The following EHMT1 variants were observed in gnomAD, a reference collection of about 807,000 sequenced individuals.
EHMT1 encodes the protein euchromatic histone lysine methyltransferase 1.
A neutral mutation model predicts 147.2 loss-of-function variants in EHMT1; 15 were observed. That is an observed-to-expected ratio of 0.10 (90% CI 0.07 to 0.16). The LOEUF is 0.16. Ranked by LOEUF, EHMT1 falls within the 10% of genes least tolerant of loss-of-function variation. The pLI is 1.00. For missense variants in EHMT1, 1,587 were observed against 1,772.4 expected (o/e 0.90, Z 1.88); for synonymous variants, 795 against 709.6 (o/e 1.12, Z -1.91).
intron 21 of EHMT1, 150 bp from the exon 22 acceptor site, chr9:137,814,281 T>C: frequency 2.5e-6 from 2 of 814,718 alleles, no homozygotes; most frequent in Non-Finnish European, 4.2e-6. Flanking sequence ...TGCACAGCCT[T>C]CTCCCTAAGA....
Position 137,815,978 on chromosome 9 carries a change from C to T in EHMT1, c.3290C>T (p.Ala1097Val), listed in dbSNP as rs753898115. The change falls in exon 23 of 27, where the codon GCG (alanine) becomes GTG (valine). Residue 1097 changes from alanine (A) to valine (V), a missense_variant. Coordinates refer to ENST00000460843, the MANE Select transcript of EHMT1 (RefSeq NM_024757.5). Reference protein sequence around the residue: ...DGRLLPEFNMAEPPLIFECNH... With the variant: ...DGRLLPEFNMVEPPLIFECNH... ...CGGCTCCTGCCAGAGTTCAACATGG[C>T]GGAGCCTCCCTTGATCTTCGAATGC... is the stretch of plus-strand genomic sequence containing the variant. The T allele has an allele frequency of 6.8e-6, 11 of 1,610,894 alleles. No homozygotes were observed. The highest frequency in any genetic ancestry group is 6.7e-5 in the African/African-American group (5 of 74,818).
chr9:137,751,104 T>C (rs1948930628), intron 6 of EHMT1, among the ~76,000 whole-genome samples: 1 of 152,218 alleles, frequency 6.6e-6, no homozygotes, highest in South Asian at 2.1e-4. Context: ...ACTGTGGCTA[T>C]TATTTTAAAA....
At chr9:137,814,875 T>TGCTGCCGGGCTGGGTACAGGGA in intron 22 of EHMT1, 1 of 414,590 alleles carries the variant, frequency 2.4e-6, no homozygotes, top group Non-Finnish European at 4.6e-6. Context: ...AGAGGGAGGG[T>TGCTGCCGGGCTGGGTACAGGGA]GCTGCCGGGC....
rs1008091378 is a variant in EHMT1 at position 137,626,033 on chromosome 9, T to A, written c.21+6984T>A. Among the ~76,000 whole-genome samples, 7 of 150,038 alleles carry A rather than the reference T, an allele frequency of 4.7e-5. No homozygotes were observed. The East Asian group carries it at 1.2e-3, about 25-fold the overall frequency. ...ACCAAGCCTGGCTAATTTTGTATTT[T>A]TTTTTTTTTTTTTAGTAGAGTTGGG... On this transcript the variant is annotated intron_variant, in intron 1 of 26. Transcript: ENST00000460843.
rs573456526 is a variant in EHMT1, at chr9:137,656,334, G to T, written c.21+37285G>T. On this transcript the variant is annotated intron_variant, in intron 1 of 26. Coordinates refer to ENST00000460843, the MANE Select transcript of EHMT1 (RefSeq NM_024757.5). ...GGTGGAAGTTGCAGTGAGCTGAGTTGGCACCATTGCACTCCAGCCTGGGTG... is the reference window on the plus strand; with the variant it reads ...GGTGGAAGTTGCAGTGAGCTGAGTTTGCACCATTGCACTCCAGCCTGGGTG... Among the ~76,000 whole-genome samples the T allele has an allele frequency of 1.4e-4, 22 of 152,182 alleles. No homozygotes were observed. In the East Asian group the frequency reaches 3.7e-3, roughly 25 times the overall value.
intron 9 of EHMT1, among the ~76,000 whole-genome samples, chr9:137,759,479 C>T (rs1034496872): frequency 1.3e-5 from 2 of 152,162 alleles, no homozygotes; most frequent in Non-Finnish European, 2.9e-5. Flanking sequence ...TGTCAGTGTG[C>T]GCCTGCTGTC....
In EHMT1 at chr9:137,776,754, C is replaced by T; in HGVS notation, c.1928C>T (p.Ala643Val). ...ESSKAKEVTI[A>V]KADTTSTVTP... is the part of the protein sequence containing the mutation. The stretch of plus-strand genomic sequence containing the variant: ...TCCAAGGCCAAAGAGGTGACGATAG[C>T]TAAAGCAGACACCACCTCGACCGTG... The change falls in exon 12 of 27, where the codon GCT (alanine) becomes GTT (valine). Residue 643 changes from alanine (A) to valine (V), a missense_variant. Ala to Val is a moderately conservative substitution (Grantham distance 64). This residue lies in a region of EHMT1 where 124 missense variants were observed against 197.8 expected (regional missense o/e 0.63). Coordinates refer to ENST00000460843, the MANE Select transcript of EHMT1 (RefSeq NM_024757.5). This position sits in a 1 kb window ranked among gnomAD's most constrained non-coding sequence, Gnocchi z 4.4. The T allele has an allele frequency of 6.2e-7, 1 of 1,614,062 alleles. No individual in the cohort carries two copies. Among genetic ancestry groups the T allele is most frequent in the Non-Finnish European group, 8.5e-7 (1 of 1,180,004 alleles).
At chr9:137,777,018 C>T in intron 12 of EHMT1, 174 bp downstream of exon 12, 1 of 677,854 alleles carries the variant, frequency 1.5e-6, no homozygotes, top group East Asian at 2.8e-5. Flanking sequence ...GCCATTTGTG[C>T]ATACGTTGCT....
chr9:137,627,504 A>G (rs975509994), intron 1 of EHMT1, among the ~76,000 whole-genome samples: 1 of 151,534 alleles, frequency 6.6e-6, no homozygotes, highest in African/African-American at 2.4e-5. Context: ...ATCTCAGGTG[A>G]TTTGCCCACC....
intron 1 of EHMT1, among the ~76,000 whole-genome samples, chr9:137,694,351 C>A (rs1026633219): frequency 6.6e-6 from 1 of 151,184 alleles, no homozygotes; most frequent in South Asian, 2.1e-4. Context: ...TGGCCGATAC[C>A]CACCAGGCGA....
chr9:137,667,320 C>T (rs1939778286), intron 1 of EHMT1: 4 of 152,200 alleles, frequency 2.6e-5, no homozygotes, highest in Admixed American at 2.6e-4. Flanking sequence ...TGGGTTAGCT[C>T]AACCCTTAGA....
At chr9:137,784,551 C>T (rs553322678) in intron 15 of EHMT1, 159 of 505,620 alleles carry the variant, frequency 3.1e-4, no homozygotes, top group Non-Finnish European at 4.0e-4. Flanking sequence ...TTGATTTTGC[C>T]ATTTCTCTTC....
chr9:137,762,244 TA>T (rs1949883626), intron 9 of EHMT1, among the ~76,000 whole-genome samples: 1 of 150,614 alleles, frequency 6.6e-6, no homozygotes, highest in Admixed American at 6.6e-5. Flanking sequence ...GAACCGTTAT[TA>T]AAACCTTCCA....
At chr9:137,723,736 G>GA (rs746810028) in intron 3 of EHMT1, among the ~76,000 whole-genome samples, 20 of 152,204 alleles carry the variant, frequency 1.3e-4, no homozygotes, top group Non-Finnish European at 2.4e-4. Context: ...ACAATTTATT[G>GA]AAAATTACGT....
chr9:137,623,712 C>T (rs1027183707), intron 1 of EHMT1, among the ~76,000 whole-genome samples: 2 of 152,182 alleles, frequency 1.3e-5, no homozygotes, highest in African/African-American at 2.4e-5. Context: ...TGAGCCTCCG[C>T]ACCCGGCCGC....
chr9:137,718,063 C>T (rs552663677), intron 3 of EHMT1, among the ~76,000 whole-genome samples: 30 of 150,554 alleles, frequency 2.0e-4, no homozygotes, highest in Non-Finnish European at 3.4e-4. Flanking sequence ...CCACCCCTCA[C>T]GCACTGTGAT....
In EHMT1 at chr9:137,658,672, G is replaced by C. The variant is rs548331465; in HGVS notation, c.21+39623G>C. Among the ~76,000 whole-genome samples the C allele has an allele frequency of 1.3e-4, 19 of 151,852 alleles. No individual in the cohort carries two copies. The East Asian group carries it at 3.3e-3, about 26-fold the overall frequency. ...CTGTAGCCCAGGCTGGAGTGCAGTG[G>C]TGCGACGTTGGCTCACTGCAGCTTC... On this transcript the variant is annotated intron_variant, in intron 1 of 26. Coordinates refer to ENST00000460843, the MANE Select transcript of EHMT1 (RefSeq NM_024757.5).
At chr9:137,684,410 G>A (rs1564584341) in intron 1 of EHMT1, among the ~76,000 whole-genome samples, 1 of 152,134 alleles carries the variant, frequency 6.6e-6, no homozygotes, top group South Asian at 2.1e-4. Flanking sequence ...TTCTTGAGCC[G>A]TTTGAAAGTT....
At chr9:137,777,528 A>T in intron 12 of EHMT1, 1 of 334,436 alleles carries the variant, frequency 3.0e-6, no homozygotes, top group Non-Finnish European at 5.6e-6. Flanking sequence ...AAGAGACTCA[A>T]ATTGTGGACA....
Sources: gnomAD v4.1 joint callset for allele counts (sites outside exome capture counted in the v4.1 genomes callset) on GRCh38, gnomAD v4.1.1 for gene constraint, gnomAD v4.1.1 regional missense constraint, Gnocchi (gnomAD v3.1) non-coding constraint, MANE v1.5 for transcripts, NCBI Gene and HGNC (gene_info 2026-07-23, HGNC 2026-07-21) for gene names.